SLC29A4: variants seen among roughly 807,000 people sequenced by gnomAD.
SLC29A4 encodes the protein solute carrier family 29 member 4, also known as equilibrative nucleoside transporter 4.
In SLC29A4, 36 loss-of-function variants were observed where a neutral mutation model predicts 43.9. That is an observed-to-expected ratio of 0.82 (90% CI 0.63 to 1.08). SLC29A4 has a LOEUF of 1.08. Among genes scored for constraint, SLC29A4 ranks in the 50% least tolerant of loss-of-function variants. The pLI, the probability that SLC29A4 is intolerant of heterozygous loss-of-function variation, is 0.00. For missense variants in SLC29A4, 869 were observed against 755.3 expected, an observed-to-expected ratio of 1.15 and a Z score of -1.77; for synonymous variants, 491 against 338.0, an observed-to-expected ratio of 1.45 and a Z score of -4.97.
At chr7:5,283,698 G>T (rs1370219408) in intron 1 of SLC29A4, among the ~76,000 whole-genome samples, 1 of 152,094 alleles carries the variant, frequency 6.6e-6, no homozygotes, top group Admixed American at 6.5e-5. Flanking sequence ...CCCCACAGGA[G>T]TTGGAGCAGC....
chr7:5,299,739 C>A (rs1304803911), intron 9 of SLC29A4, among the ~76,000 whole-genome samples: 1 of 152,162 alleles, frequency 6.6e-6, no homozygotes, highest in Non-Finnish European at 1.5e-5. Flanking sequence ...TCAGAGAAGG[C>A]AGGGACACTC....
chr7:5,287,805 G>A lies in SLC29A4; in HGVS notation c.-8-4G>A. 1.9e-6 allele frequency: 3 copies of A among 1,610,056 alleles called. No homozygotes were observed. Among genetic ancestry groups the A allele is most frequent in the Non-Finnish European group, 2.5e-6 (3 of 1,179,452 alleles). ...ACCTGCTCTCTCTGCTTTCTCCAAA[G>A]CAGAGGCTGCCATGGGCTCCGTGGG... On this transcript the variant is annotated splice_polypyrimidine_tract_variant and splice_region_variant and intron_variant, in intron 1 of 10. Transcript: ENST00000396872.
In SLC29A4 at chr7:5,290,739, C is replaced by A; in HGVS notation, c.177C>A (p.Asp59Glu). ...TGGTGTCTCTGGCTTTAGCATTGGA[C>A]GAGCCAGTGCCCGATGACCGTTATC... ...GVPAFTDTTL[D>E]EPVPDDRYHA... is the part of the protein sequence containing the mutation. The change falls in exon 3 of 11, where the codon GAC becomes GAA. Residue 59 changes from aspartate to glutamate, a missense_variant. Transcript: ENST00000396872. 6.2e-7 allele frequency: 1 copy of A among 1,609,334 alleles called. No homozygotes were observed. The highest frequency in any genetic ancestry group is 8.5e-7 in the Non-Finnish European group (1 of 1,176,888).
chr7:5,291,212 G>T lies in SLC29A4; in HGVS notation c.390G>T (p.Leu130=). 1 of 1,613,192 alleles carries T rather than the reference G, an allele frequency of 6.2e-7. No individual in the cohort carries two copies. Among genetic ancestry groups the T allele is most frequent in the South Asian group, 1.1e-5 (1 of 91,038 alleles). The change falls in exon 4 of 11, where the codon CTG becomes CTT. Residue 130 remains leucine, a synonymous_variant. Transcript: ENST00000396872. ...VLLNNVLVER[L]TLHTRITAGY... ...TGAACAACGTCCTGGTGGAGAGACT[G>T]ACCCTGCACACCAGGATCACCGCAG...
chr7:5,286,526 A>C (rs1784959803), intron 1 of SLC29A4, among the ~76,000 whole-genome samples: 1 of 141,616 alleles, frequency 7.1e-6, no homozygotes, highest in Non-Finnish European at 1.5e-5. Flanking sequence ...CCATCTCAAA[A>C]AAAAAAAAGA....
At chr7:5,288,046 C>T in intron 2 of SLC29A4, 61 bp downstream of exon 2, 1 of 1,527,558 alleles carries the variant, frequency 6.5e-7, no homozygotes, top group South Asian at 1.3e-5. Context: ...CTGTGTGACC[C>T]CCAGTGAAGC....
chr7:5,285,126 T>C (rs2128085792), intron 1 of SLC29A4, among the ~76,000 whole-genome samples: 1 of 152,230 alleles, frequency 6.6e-6, no homozygotes, highest in East Asian at 1.9e-4. Context: ...TTGCTGACTC[T>C]CTGGCGCCTC....
chr7:5,294,275 C>T (rs1005194266), intron 5 of SLC29A4, among the ~76,000 whole-genome samples: 1 of 152,098 alleles, frequency 6.6e-6, no homozygotes, highest in Admixed American at 6.6e-5. Context: ...AAAGACTGCC[C>T]CTGAGGCTAC....
chr7:5,285,169 A>G (rs1183210821), intron 1 of SLC29A4, among the ~76,000 whole-genome samples: 1 of 152,020 alleles, frequency 6.6e-6, no homozygotes, highest in Non-Finnish European at 1.5e-5. Flanking sequence ...TCCTGTGTCC[A>G]CTTCACAGGG....
chr7:5,297,078 C>G lies in SLC29A4; in HGVS notation c.762C>G (p.Arg254=), dbSNP rs1306941993. ...TCCTGCTGCACCTGTTAGTGCGGCGCAGCCGCTTCGTGCTCTTCTATACCA... is the reference window on the plus strand; with the variant it reads ...TCCTGCTGCACCTGTTAGTGCGGCGGAGCCGCTTCGTGCTCTTCTATACCA... ...LCFLLHLLVR[R]SRFVLFYTTR... The change falls in exon 7 of 11, where the codon CGC becomes CGG. Residue 254 remains arginine, a synonymous_variant. Coordinates refer to ENST00000396872, the MANE Select transcript of SLC29A4 (RefSeq NM_153247.4). 1.2e-6 allele frequency: 2 copies of G among 1,607,972 alleles called. No individual in the cohort carries two copies. Among genetic ancestry groups the G allele is most frequent in the Admixed American group, 1.7e-5 (1 of 59,998 alleles).
intron 1 of SLC29A4, among the ~76,000 whole-genome samples, chr7:5,286,199 C>T (rs1188432424): frequency 6.6e-6 from 1 of 152,028 alleles, no homozygotes; most frequent in Admixed American, 6.6e-5. Flanking sequence ...CAGATCCTTT[C>T]TGCATTCAGA....
At chr7:5,297,588 G>A (rs576224270) in intron 7 of SLC29A4, among the ~76,000 whole-genome samples, 1 of 152,344 alleles carries the variant, frequency 6.6e-6, no homozygotes, top group African/African-American at 2.4e-5. Flanking sequence ...GCCAACCCAC[G>A]TTGGAGAGTC....
Position 5,296,955 on chromosome 7 carries a change from C to T in SLC29A4, c.639C>T (p.Ile213=). ...MTGESTAGVM[I]SLSRILTKLL... is the part of the protein sequence containing the mutation. ...CCCCAGGCACGGCGGGCGTGATGAT[C>T]TCTCTGAGCCGCATCCTCACGAAGC... Residue 213 remains isoleucine, a synonymous_variant, in exon 7 of 11, where the codon ATC becomes ATT. Transcript: ENST00000396872. 1 of 1,575,132 alleles carries T rather than the reference C, an allele frequency of 6.3e-7. No individual in the cohort carries two copies. Among genetic ancestry groups the T allele is most frequent in the South Asian group, 1.1e-5 (1 of 89,540 alleles).
rs751303954 is a variant in SLC29A4, at chr7:5,294,964, G to A, written c.619+30G>A. On this transcript the variant is annotated intron_variant, in intron 6 of 10. Coordinates refer to ENST00000396872, the MANE Select transcript of SLC29A4 (RefSeq NM_153247.4). Reference sequence around the variant, plus strand: ...GTATCTGCAGACCCCCCGGGGAGGGGGTGCTGGGCTGCCCTGGGCTCTGGA... The same window carrying A: ...GTATCTGCAGACCCCCCGGGGAGGGAGTGCTGGGCTGCCCTGGGCTCTGGA... 1.4e-5 allele frequency: 22 copies of A among 1,583,994 alleles called. No individual in the cohort carries two copies. In the African/African-American group the frequency reaches 2.6e-4, roughly 19 times the overall value.
intron 1 of SLC29A4, among the ~76,000 whole-genome samples, chr7:5,284,802 C>A (rs1784855467): frequency 6.6e-6 from 1 of 152,180 alleles, no homozygotes; most frequent in South Asian, 2.1e-4. Flanking sequence ...GCCGACTAAG[C>A]CAGAGGGGAC....
Position 5,303,097 on chromosome 7 carries a change from G to C in SLC29A4, c.*158G>C. On this transcript the variant is annotated 3_prime_UTR_variant, in exon 11 of 11. Transcript: ENST00000396872. Reference sequence around the variant, plus strand: ...CAGGGTCCAGCCATGCCCCACCCTGGACTGAAGTTCTGCAAAGTCCTCCGA... The same window carrying C: ...CAGGGTCCAGCCATGCCCCACCCTGCACTGAAGTTCTGCAAAGTCCTCCGA... 1 of 882,630 alleles carries C rather than the reference G, an allele frequency of 1.1e-6. No homozygotes were observed. The highest frequency in any genetic ancestry group is 1.7e-6 in the Non-Finnish European group (1 of 589,786). The allele number at this position is 882,630 out of a possible 1,614,324, so 54.7% of individuals were successfully genotyped here. A position where few individuals can be genotyped will look rare whatever the true frequency, so the allele number is the denominator to read the frequency against.
At position 5,299,879 on chromosome 7, in the gene SLC29A4, C is replaced by A. The variant is rs749461168; in HGVS notation, c.1209+452C>A. Among the ~76,000 whole-genome samples, 11 of 152,172 alleles carry A rather than the reference C, an allele frequency of 7.2e-5. No homozygotes were observed. The South Asian group carries it at 8.3e-4, about 11-fold the overall frequency. Reference sequence around the variant, plus strand: ...CCAACCTTGCCAACATGGTGAAACCCCGTGTCTACTGAAAATACAAAAATT... The same window carrying A: ...CCAACCTTGCCAACATGGTGAAACCACGTGTCTACTGAAAATACAAAAATT... On this transcript the variant is annotated intron_variant, in intron 9 of 10. Coordinates refer to ENST00000396872, the MANE Select transcript of SLC29A4 (RefSeq NM_153247.4).
rs60399347 is a variant in SLC29A4, at chr7:5,292,991, A to T, written c.544+1170A>T. ...TGGTATTACAGGCGTGAGCCACCGC[A>T]CCCCGCCCCGATAATGTTCTTTATA... On this transcript the variant is annotated intron_variant, in intron 5 of 10. Coordinates refer to ENST00000396872, the MANE Select transcript of SLC29A4 (RefSeq NM_153247.4). Among the ~76,000 whole-genome samples the T allele has an allele frequency of 3.4e-5, 5 of 146,388 alleles. No individual in the cohort carries two copies. In the South Asian group the frequency reaches 8.6e-4, roughly 25 times the overall value.
chr7:5,293,669 G>C (rs954529985), intron 5 of SLC29A4, among the ~76,000 whole-genome samples: 3 of 151,980 alleles, frequency 2.0e-5, no homozygotes, highest in African/African-American at 7.3e-5. Flanking sequence ...TTTAGAGGCA[G>C]GGTCTCACTC....
Sources: allele counts gnomAD v4.1 joint callset (sites outside exome capture counted in the v4.1 genomes callset), GRCh38; gene constraint gnomAD v4.1.1; transcripts MANE v1.5; gene names NCBI Gene and HGNC (gene_info 2026-07-23, HGNC 2026-07-21).